Variants in TAOK1 observed in about 807,000 individuals in gnomAD.
TAOK1 encodes the protein serine/threonine-protein kinase TAO1.
Under a neutral mutation model 138.3 loss-of-function variants are expected in TAOK1, and 21 were observed. That is an observed-to-expected ratio of 0.15 (90% confidence interval 0.11 to 0.22). The LOEUF (loss-of-function observed/expected upper bound fraction) is 0.22. Among genes scored for constraint, TAOK1 ranks in the 10% least tolerant of loss-of-function variants. The probability of loss-of-function intolerance (pLI) is 1.00; values close to 1 mark genes in which losing one functional copy is unlikely to be tolerated. For missense variants in TAOK1, 651 were observed against 1,227.7 expected (o/e 0.53, Z 7.02); for synonymous variants, 361 against 398.4 (o/e 0.91, Z 1.12).
At chr17:29,400,615 C>T (rs1331754716) in intron 1 of TAOK1, among the ~76,000 whole-genome samples, 1 of 151,612 alleles carries the variant, frequency 6.6e-6, no homozygotes, top group African/African-American at 2.4e-5. Context: ...TGTATTAATT[C>T]AACAAACTTT....
At chr17:29,435,371 G>A (rs1216051495) in intron 1 of TAOK1, among the ~76,000 whole-genome samples, 1 of 152,186 alleles carries the variant, frequency 6.6e-6, no homozygotes, top group Non-Finnish European at 1.5e-5. Context: ...TGATAGGACT[G>A]AGTGGTTTGC....
In TAOK1 at chr17:29,451,582, G is replaced by T; in HGVS notation, c.34G>T (p.Asp12Tyr). 1 of 1,613,436 alleles carries T rather than the reference G, an allele frequency of 6.2e-7. No individual in the cohort carries two copies. The change falls in exon 2 of 20, where the codon GAC becomes TAC. Residue 12 changes from aspartate (D) to tyrosine (Y), a missense_variant. Asp to Tyr is a radical substitution (Grantham distance 160, BLOSUM62 -3). This residue lies in a region of TAOK1 where 116 missense variants were observed against 213.9 expected (regional missense o/e 0.54). Transcript: ENST00000261716. The part of the protein sequence containing the change: ...PSTNRAGSLK[D>Y]PEIAELFFKE... ...AACTAACAGAGCAGGCAGCCTGAAG[G>T]ACCCTGAAATTGCAGAGCTCTTCTT...
intron 17 of TAOK1, among the ~76,000 whole-genome samples, chr17:29,525,293 A>T (rs1044285490): frequency 4.6e-5 from 7 of 151,324 alleles, no homozygotes; most frequent in Admixed American, 4.6e-4. Flanking sequence ...TTGTATTTTT[A>T]GTAGAGATGG....
At chr17:29,531,970 C>T (rs1428458456) in intron 18 of TAOK1, among the ~76,000 whole-genome samples, 1 of 151,502 alleles carries the variant, frequency 6.6e-6, no homozygotes, top group Non-Finnish European at 1.5e-5. Context: ...ACGCCATTCT[C>T]CTGCCTCAGC....
At chr17:29,429,053 G>A (rs991970761) in intron 1 of TAOK1, among the ~76,000 whole-genome samples, 3 of 152,100 alleles carry the variant, frequency 2.0e-5, no homozygotes, top group African/African-American at 4.8e-5. Context: ...GTTTGAGGGT[G>A]CTGCAGGCAG....
intron 17 of TAOK1, among the ~76,000 whole-genome samples, chr17:29,523,074 CAAAAA>C (rs35989910): frequency 4.5e-5 from 5 of 110,874 alleles, no homozygotes; most frequent in African/African-American, 3.5e-5. Context: ...GACCCTGTCT[CAAAAA>C]AAAAAAAAAA....
chr17:29,391,445 C>A (rs1429013407), intron 1 of TAOK1, among the ~76,000 whole-genome samples: 1 of 152,168 alleles, frequency 6.6e-6, no homozygotes, highest in Non-Finnish European at 1.5e-5. Context: ...CCCCCTAGCA[C>A]AGGAAATCTA....
At chr17:29,520,665 T>C (rs1302216838) in intron 16 of TAOK1, among the ~76,000 whole-genome samples, 7 of 151,396 alleles carry the variant, frequency 4.6e-5, no homozygotes, top group Non-Finnish European at 8.8e-5. Context: ...TCCGCCTGTC[T>C]CGGCCTCCCA....
At chr17:29,498,665 C>A (rs1252663779) in intron 12 of TAOK1, 144 bp downstream of exon 12, 1 of 915,906 alleles carries the variant, frequency 1.1e-6, no homozygotes, top group Non-Finnish European at 1.6e-6. Context: ...TGCCTGTAAT[C>A]CCAGCACTTT....
chr17:29,394,265 A>C (rs1057233173), intron 1 of TAOK1, among the ~76,000 whole-genome samples: 1 of 134,022 alleles, frequency 7.5e-6, no homozygotes, highest in African/African-American at 2.8e-5. Context: ...TCCTGGGTTT[A>C]CGCCAGTCTC....
intron 17 of TAOK1, among the ~76,000 whole-genome samples, chr17:29,528,854 A>C (rs1365697612): frequency 6.8e-6 from 1 of 148,134 alleles, no homozygotes; most frequent in Non-Finnish European, 1.5e-5. Flanking sequence ...AAAAAAAAAA[A>C]AAAAAAAAAA....
intron 1 of TAOK1, among the ~76,000 whole-genome samples, chr17:29,425,247 A>G (rs1014989805): frequency 1.3e-5 from 2 of 152,034 alleles, no homozygotes; most frequent in African/African-American, 2.4e-5. Flanking sequence ...TTTTTTTCTT[A>G]TTTTTAGTAG....
chr17:29,417,083 G>A (rs1332633343), intron 1 of TAOK1, among the ~76,000 whole-genome samples: 2 of 151,890 alleles, frequency 1.3e-5, no homozygotes, highest in Admixed American at 6.6e-5. Flanking sequence ...GCACTTTCTC[G>A]GCTCACTGCA....
intron 1 of TAOK1, among the ~76,000 whole-genome samples, chr17:29,443,808 A>G (rs1278824230): frequency 1.3e-5 from 2 of 152,194 alleles, no homozygotes; most frequent in African/African-American, 4.8e-5. Flanking sequence ...CTTGTTACAA[A>G]TATTTATATT....
intron 1 of TAOK1, among the ~76,000 whole-genome samples, chr17:29,410,634 GGTT>G (rs1905118316): frequency 1.1e-5 from 1 of 93,104 alleles, no homozygotes; most frequent in African/African-American, 4.5e-5. Context: ...TTTTTTTTTT[GGTT>G]TTTTTTTTTG....
At chr17:29,458,385 A>C (rs190776700) in intron 2 of TAOK1, among the ~76,000 whole-genome samples, 4 of 152,360 alleles carry the variant, frequency 2.6e-5, no homozygotes, top group African/African-American at 4.8e-5. Flanking sequence ...TCCCATCAGC[A>C]GTGTATGAGA....
intron 1 of TAOK1, among the ~76,000 whole-genome samples, chr17:29,437,795 A>G (rs1352473943): frequency 8.5e-6 from 1 of 117,528 alleles, no homozygotes; most frequent in Non-Finnish European, 1.6e-5. Flanking sequence ...GTGCAGTGGT[A>G]TGATCTCGGC....
chr17:29,521,284 T>C (rs937854379), intron 16 of TAOK1, among the ~76,000 whole-genome samples: 4 of 152,206 alleles, frequency 2.6e-5, no homozygotes, highest in African/African-American at 9.7e-5. Flanking sequence ...TGTATGTGTT[T>C]ACTTGTTTCC....
chr17:29,475,568 T>C (rs1329679631), intron 3 of TAOK1, 102 bp from the exon 4 acceptor site: 11 of 779,310 alleles, frequency 1.4e-5, no homozygotes, highest in Non-Finnish European at 2.2e-5. Context: ...CAAAGTTGCA[T>C]GTTCTTGTTA....
Sources: allele counts gnomAD v4.1 joint callset (sites outside exome capture counted in the v4.1 genomes callset), GRCh38; gene constraint gnomAD v4.1.1; regional missense constraint gnomAD v4.1.1; transcripts MANE v1.5; gene names NCBI Gene and HGNC (gene_info 2026-07-23, HGNC 2026-07-21).